MYO16: variants seen among roughly 807,000 people sequenced by gnomAD.
MYO16 encodes myosin XVI, also known as unconventional myosin-XVI.
A neutral mutation model predicts 205.3 loss-of-function variants in MYO16; 94 were observed. That is an observed-to-expected ratio of 0.46 (90% CI 0.39 to 0.54). The LOEUF is 0.54. Among genes scored for constraint, MYO16 ranks in the 20% least tolerant of loss-of-function variants. The pLI, the probability that MYO16 is intolerant of heterozygous loss-of-function variation, is 0.00. For synonymous variants in MYO16, 988 were observed against 954.0 expected, an observed-to-expected ratio of 1.04 and a Z score of -0.66; for missense variants, 2,315 against 2,387.5, an observed-to-expected ratio of 0.97 and a Z score of 0.63.
At chr13:109,050,634 CA>C (rs1887217610) in intron 24 of MYO16, among the ~76,000 whole-genome samples, 1 of 152,142 alleles carries the variant, frequency 6.6e-6, no homozygotes, top group South Asian at 2.1e-4. Flanking sequence ...CTTATGATTG[CA>C]AAATTTTGAT....
At chr13:108,886,612 G>T (rs1879904546) in intron 13 of MYO16, 2 of 409,178 alleles carry the variant, frequency 4.9e-6, no homozygotes, top group Admixed American at 2.7e-5. Context: ...CTTCCAGTGC[G>T]CATGCTGAGG....
chr13:108,830,253 T>G lies in MYO16; in HGVS notation c.1097+6975T>G, dbSNP rs1876529121. Among the ~76,000 whole-genome samples the G allele has an allele frequency of 2.6e-5, 3 of 113,336 alleles. 1 individual carries two copies. The highest frequency in any genetic ancestry group is 6.1e-4 in the South Asian group (2 of 3,288). The allele number at this position is 113,336 out of a possible 152,430, so 74.4% of individuals were successfully genotyped here. A position where few individuals can be genotyped will look rare whatever the true frequency, so the allele number is the denominator to read the frequency against. The stretch of plus-strand genomic sequence containing the variant: ...AATACCATTTGACCCAGCCATCCCA[T>G]TACTGGGTATATACCCAAAGGACTA... On this transcript the variant is annotated intron_variant, in intron 9 of 34. Transcript: ENST00000457511.
chr13:109,083,813 C>T (rs1566497909), intron 27 of MYO16, among the ~76,000 whole-genome samples: 2 of 152,098 alleles, frequency 1.3e-5, no homozygotes, highest in East Asian at 3.9e-4. Flanking sequence ...TCAAGGGCAC[C>T]AGCATCATAC....
At chr13:108,754,540 A>G (rs1266388020) in intron 4 of MYO16, among the ~76,000 whole-genome samples, 1 of 152,104 alleles carries the variant, frequency 6.6e-6, no homozygotes, top group African/African-American at 2.4e-5. Context: ...GTGTAATAAA[A>G]ATTATAAAGT....
At chr13:108,667,200 A>G (rs1312718045) in intron 2 of MYO16, among the ~76,000 whole-genome samples, 2 of 152,044 alleles carry the variant, frequency 1.3e-5, no homozygotes, top group Non-Finnish European at 2.9e-5. Context: ...AGCTAAGAAA[A>G]CCTATAGCAC....
chr13:108,788,247 T>C (rs962730158), intron 5 of MYO16, among the ~76,000 whole-genome samples: 3 of 152,094 alleles, frequency 2.0e-5, no homozygotes, highest in Non-Finnish European at 4.4e-5. Context: ...CAAGTCCTAA[T>C]TGTGCTGTCA....
intron 23 of MYO16, among the ~76,000 whole-genome samples, chr13:109,025,778 A>C (rs142277512): frequency 6.6e-6 from 1 of 152,350 alleles, no homozygotes; most frequent in Non-Finnish European, 1.5e-5. Context: ...AACTAACTCT[A>C]GTAAGAAATA....
intron 15 of MYO16, among the ~76,000 whole-genome samples, chr13:108,906,153 T>A (rs1880966540): frequency 6.6e-6 from 1 of 152,214 alleles, no homozygotes; most frequent in Non-Finnish European, 1.5e-5. Context: ...GTTTTCTTTT[T>A]CTTTCACTTT....
intron 2 of MYO16, among the ~76,000 whole-genome samples, chr13:108,672,306 T>G (rs1051746931): frequency 6.6e-6 from 1 of 152,136 alleles, no homozygotes; most frequent in Non-Finnish European, 1.5e-5. Context: ...TTTATGCAAT[T>G]GAGAAAGTAA....
intron 6 of MYO16, among the ~76,000 whole-genome samples, chr13:108,805,203 A>T (rs1394193690): frequency 2.0e-5 from 3 of 152,190 alleles, no homozygotes; most frequent in African/African-American, 7.2e-5. Context: ...ATACTTATGG[A>T]TATATCATTT....
At chr13:109,105,636 A>C (rs914719690) in intron 28 of MYO16, among the ~76,000 whole-genome samples, 9 of 152,220 alleles carry the variant, frequency 5.9e-5, no homozygotes, top group Non-Finnish European at 8.8e-5. Context: ...CATAAATGTA[A>C]TTTTAGCATA....
At chr13:108,901,025 C>T (rs953449092) in intron 15 of MYO16, among the ~76,000 whole-genome samples, 9 of 152,264 alleles carry the variant, frequency 5.9e-5, no homozygotes, top group Middle Eastern at 3.4e-3. Context: ...CCCGGTCTCC[C>T]ACAGCACTCC....
chr13:108,828,779 A>G lies in MYO16; in HGVS notation c.1097+5501A>G, dbSNP rs574931099. On this transcript the variant is annotated intron_variant, in intron 9 of 34. Coordinates refer to ENST00000457511, the MANE Select transcript of MYO16 (RefSeq NM_001198950.3). ...TTGATGCCTATGTGACGAGACACCA[A>G]TAAAAACTGTGGACATTGAAGCTCC... Among the ~76,000 whole-genome samples, 35 of 152,312 alleles carry G rather than the reference A, an allele frequency of 2.3e-4. No individual in the cohort carries two copies. The East Asian group carries it at 3.7e-3, about 16-fold the overall frequency.
At chr13:108,815,025 C>A (rs898141119) in intron 7 of MYO16, among the ~76,000 whole-genome samples, 13 of 152,082 alleles carry the variant, frequency 8.5e-5, no homozygotes, top group African/African-American at 3.1e-4. Flanking sequence ...AAAATTAGAA[C>A]TGTTAAGTGA....
At chr13:109,129,082 T>C (rs1204802372) in intron 31 of MYO16, among the ~76,000 whole-genome samples, 1 of 151,920 alleles carries the variant, frequency 6.6e-6, no homozygotes, top group Non-Finnish European at 1.5e-5. Flanking sequence ...TTTTTTTTTT[T>C]TTTTTTAGCA....
chr13:109,148,887 A>G (rs1462982305), intron 32 of MYO16, among the ~76,000 whole-genome samples: 1 of 152,182 alleles, frequency 6.6e-6, no homozygotes, highest in Non-Finnish European at 1.5e-5. Context: ...CTAGGTGCAG[A>G]AGTCAGGGTA....
chr13:109,091,206 C>T (rs1171751545), intron 27 of MYO16, among the ~76,000 whole-genome samples: 1 of 152,122 alleles, frequency 6.6e-6, no homozygotes, highest in African/African-American at 2.4e-5. Context: ...TGCAGTGCCT[C>T]AGGGAAAATG....
At chr13:109,035,659 G>A (rs1430998187) in intron 23 of MYO16, among the ~76,000 whole-genome samples, 4 of 152,082 alleles carry the variant, frequency 2.6e-5, no homozygotes, top group East Asian at 3.9e-4. Flanking sequence ...ACTCCAGCGC[G>A]GGTGACAAAG....
the MYO16 span, among the ~76,000 whole-genome samples, chr13:108,587,541 CA>C: frequency 6.6e-6 from 1 of 152,002 alleles, no homozygotes; most frequent in Non-Finnish European, 1.5e-5. Context: ...CAAGTTTTAG[CA>C]ACAAATTTTG....
Sources: allele counts gnomAD v4.1 joint callset (sites outside exome capture counted in the v4.1 genomes callset), GRCh38; gene constraint gnomAD v4.1.1; transcripts MANE v1.5; gene names NCBI Gene and HGNC (gene_info 2026-07-23, HGNC 2026-07-21).